Variants in TBX15 observed in about 807,000 individuals in gnomAD.
TBX15 encodes T-box transcription factor 15.
Under a neutral mutation model 53.9 loss-of-function variants are expected in TBX15, and 18 were observed. The observed-to-expected ratio is 0.33, with a 90% CI of 0.23 to 0.49. The LOEUF is 0.49. Among genes scored for constraint, TBX15 ranks in the 20% least tolerant of loss-of-function variants. The probability of loss-of-function intolerance (pLI) is 0.98; values close to 1 mark genes in which losing one functional copy is unlikely to be tolerated. For missense variants in TBX15, 692 were observed against 749.5 expected (o/e 0.92, Z 0.90); for synonymous variants, 295 against 278.0 (o/e 1.06, Z -0.61).
At chr1:118,982,872 T>A (rs1657693390) in intron 1 of TBX15, among the ~76,000 whole-genome samples, 1 of 152,136 alleles carries the variant, frequency 6.6e-6, no homozygotes, top group South Asian at 2.1e-4. Flanking sequence ...CCTATACAAA[T>A]CAAGATACCC....
intron 6 of TBX15, among the ~76,000 whole-genome samples, chr1:118,904,123 A>T (rs1162172303): frequency 6.6e-6 from 1 of 152,152 alleles, no homozygotes; most frequent in Non-Finnish European, 1.5e-5. Flanking sequence ...AGAATGGGAG[A>T]AGGGCAGTAG....
At chr1:118,989,088 T>G (rs924017969), upstream of TBX15, among the ~76,000 whole-genome samples, 2 of 152,180 alleles carry the variant, frequency 1.3e-5, no homozygotes, top group African/African-American at 4.8e-5. Context: ...GCCCGAACGC[T>G]GGGCTGCGCT....
At chr1:118,938,249 C>T (rs1034117118) in intron 1 of TBX15, among the ~76,000 whole-genome samples, 2 of 152,130 alleles carry the variant, frequency 1.3e-5, no homozygotes, top group Non-Finnish European at 2.9e-5. Flanking sequence ...TGTCTCTGAG[C>T]TCTCCATGCC....
At chr1:118,963,079 C>A (rs1033316693) in intron 1 of TBX15, among the ~76,000 whole-genome samples, 20 of 152,184 alleles carry the variant, frequency 1.3e-4, no homozygotes, top group Non-Finnish European at 2.5e-4. Context: ...GTCTTTCTAA[C>A]CTTTATGCTG....
At chr1:118,909,320 G>C (rs571396354) in intron 6 of TBX15, among the ~76,000 whole-genome samples, 1 of 152,274 alleles carries the variant, frequency 6.6e-6, no homozygotes, top group East Asian at 1.9e-4. Context: ...GAGCTGGCTT[G>C]AACTCCTCTG....
chr1:118,946,831 T>C (rs1656360891), intron 1 of TBX15, among the ~76,000 whole-genome samples: 1 of 152,212 alleles, frequency 6.6e-6, no homozygotes, highest in Non-Finnish European at 1.5e-5. Flanking sequence ...AGATGAATTA[T>C]AAATTATTTT....
In TBX15 at chr1:118,884,338, G is replaced by A. The variant is rs1416866739; in HGVS notation, c.*394C>T. The stretch of plus-strand genomic sequence containing the variant: ...ATGAATTGTGTATGAATATGTATGT[G>A]TGTGTGCACGTATGTATAGGTAGGT... On this transcript the variant is annotated 3_prime_UTR_variant, in exon 8 of 8. Coordinates refer to ENST00000369429, the MANE Select transcript of TBX15 (RefSeq NM_001330677.2). 1 of 271,292 alleles carries A rather than the reference G, an allele frequency of 3.7e-6. No homozygotes were observed. Among genetic ancestry groups the A allele is most frequent in the Non-Finnish European group, 7.1e-6 (1 of 140,306 alleles). The allele number at this position is 271,292 out of a possible 1,614,324, so 16.8% of individuals were successfully genotyped here. A position where few individuals can be genotyped will look rare whatever the true frequency, so the allele number is the denominator to read the frequency against.
intron 7 of TBX15, among the ~76,000 whole-genome samples, chr1:118,886,810 G>C (rs573793306): frequency 6.6e-6 from 1 of 152,264 alleles, no homozygotes; most frequent in African/African-American, 2.4e-5. Flanking sequence ...TCAGGTGATG[G>C]TCCAGAGACC....
chr1:118,988,700 G>A (rs1027981368), upstream of TBX15, among the ~76,000 whole-genome samples: 49 of 152,328 alleles, frequency 3.2e-4, no homozygotes, highest in African/African-American at 1.1e-3. Context: ...TTGGGGCTCT[G>A]ACAAAATGTT....
At chr1:118,979,270 A>G (rs775597903) in intron 1 of TBX15, among the ~76,000 whole-genome samples, 66 of 151,230 alleles carry the variant, frequency 4.4e-4, no homozygotes, top group Non-Finnish European at 8.1e-4. Context: ...GGGAAGGACA[A>G]TCATTTGCTT....
intron 1 of TBX15, among the ~76,000 whole-genome samples, 155 bp downstream of exon 1, chr1:118,987,436 G>A (rs780539693): frequency 1.3e-5 from 2 of 152,246 alleles, no homozygotes; most frequent in African/African-American, 4.8e-5. Context: ...GGTGAATTTA[G>A]GGAGGCTCAG....
chr1:118,904,537 C>T (rs1008400971), intron 6 of TBX15, among the ~76,000 whole-genome samples: 1 of 152,116 alleles, frequency 6.6e-6, no homozygotes, highest in African/African-American at 2.4e-5. Context: ...ATTAATGTGC[C>T]TTGCAATGGT....
intron 1 of TBX15, among the ~76,000 whole-genome samples, chr1:118,981,082 C>G (rs754990928): frequency 6.6e-6 from 1 of 152,140 alleles, no homozygotes; most frequent in African/African-American, 2.4e-5. Context: ...CCCCGCCCCC[C>G]GCCTCGGCCT....
chr1:118,924,578 G>A lies in TBX15; in HGVS notation c.693+68C>T, dbSNP rs552136332. The stretch of plus-strand genomic sequence containing the variant: ...TATTTTACCTATTTGAAAAAGACTG[G>A]GGCTAGCCAGCTCTAAAGCAAACAG... On this transcript the variant is annotated intron_variant, in intron 4 of 7. Coordinates refer to ENST00000369429, the MANE Select transcript of TBX15 (RefSeq NM_001330677.2). 15 of 1,590,904 alleles carry A rather than the reference G, an allele frequency of 9.4e-6. No homozygotes were observed. The African/African-American group carries it at 1.5e-4, about 16-fold the overall frequency.
intron 1 of TBX15, among the ~76,000 whole-genome samples, chr1:118,955,838 G>C (rs1481623542): frequency 6.6e-6 from 1 of 152,160 alleles, no homozygotes; most frequent in Non-Finnish European, 1.5e-5. Context: ...GAGATTTATA[G>C]TTCAGGTATA....
At position 118,890,976 on chromosome 1, in the gene TBX15, G is replaced by A. The variant is rs1325922245; in HGVS notation, c.1025-5460C>T. 8 of 1,297,010 alleles carry A rather than the reference G, an allele frequency of 6.2e-6. No individual in the cohort carries two copies. In the South Asian group the frequency reaches 1.0e-4, roughly 16 times the overall value. The allele number at this position is 1,297,010 out of a possible 1,614,324, so 80.3% of individuals were successfully genotyped here. A position where few individuals can be genotyped will look rare whatever the true frequency, so the allele number is the denominator to read the frequency against. On this transcript the variant is annotated intron_variant, in intron 7 of 7. Transcript: ENST00000369429. The stretch of plus-strand genomic sequence containing the variant: ...AAGTCTTCTTTGAGGCTTTCAAACA[G>A]GTAAAAGGTAAAATATCAGCACCCT...
rs79901661 is a variant in TBX15, at chr1:118,886,422, G to A, written c.1025-906C>T. 7.3e-3 allele frequency among the ~76,000 whole-genome samples: 1,113 copies of A among 152,210 alleles called. 43 individuals carry two copies. The East Asian group carries it at 0.088, about 12-fold the overall frequency. On this transcript the variant is annotated intron_variant, in intron 7 of 7. Coordinates refer to ENST00000369429, the MANE Select transcript of TBX15 (RefSeq NM_001330677.2). ...TAGGCACATCACTTACCCTCTGCAG[G>A]TTACAGTTTCTTCATCTAGAGATGA...
At chr1:118,951,722 A>G (rs940470226) in intron 1 of TBX15, among the ~76,000 whole-genome samples, 1 of 152,162 alleles carries the variant, frequency 6.6e-6, no homozygotes, top group Non-Finnish European at 1.5e-5. Context: ...TCCTGCTCCT[A>G]TATCTGCCAA....
chr1:118,943,860 C>A (rs1400777705), intron 1 of TBX15, among the ~76,000 whole-genome samples: 1 of 152,094 alleles, frequency 6.6e-6, no homozygotes, highest in Non-Finnish European at 1.5e-5. Context: ...GGCATTTTAA[C>A]CCTATTTTGA....
Sources: gnomAD v4.1 joint callset for allele counts (sites outside exome capture counted in the v4.1 genomes callset) on GRCh38, gnomAD v4.1.1 for gene constraint, MANE v1.5 for transcripts, NCBI Gene and HGNC (gene_info 2026-07-23, HGNC 2026-07-21) for gene names.